The following SFTPD variants were observed in gnomAD, a reference collection of about 807,000 sequenced individuals.
The protein encoded by SFTPD is surfactant protein D.
A neutral mutation model predicts 34.6 loss-of-function variants in SFTPD; 18 were observed. That is an observed-to-expected ratio of 0.52 (90% CI 0.36 to 0.77). SFTPD has a LOEUF of 0.77. Ranked by LOEUF, SFTPD falls within the 30% of genes least tolerant of loss-of-function variation. The pLI is 0.00. For synonymous variants in SFTPD, 155 were observed against 180.9 expected (o/e 0.86, Z 1.15); for missense variants, 433 against 468.9 (o/e 0.92, Z 0.71).
chr10:79,979,167 A>G (rs1353850589), intron 1 of SFTPD, among the ~76,000 whole-genome samples: 4 of 152,206 alleles, frequency 2.6e-5, no homozygotes, highest in African/African-American at 7.2e-5. Flanking sequence ...TAAATAAAAT[A>G]TCTAGGAATA....
At chr10:79,943,080 G>T (rs925228141) in intron 2 of SFTPD, among the ~76,000 whole-genome samples, 1 of 152,118 alleles carries the variant, frequency 6.6e-6, no homozygotes, top group African/African-American at 2.4e-5. Flanking sequence ...TTCCAGAGTT[G>T]GAGGCGGATT....
At chr10:79,966,459 G>A (rs1342449975) in intron 1 of SFTPD, among the ~76,000 whole-genome samples, 1 of 94,354 alleles carries the variant, frequency 1.1e-5, no homozygotes, top group Non-Finnish European at 1.9e-5. Context: ...ATTTGTTTGA[G>A]TTCATTGTAG....
chr10:79,942,078 A>C lies in SFTPD; in HGVS notation c.434-8T>G. 6.3e-7 allele frequency: 1 copy of C among 1,576,980 alleles called. No individual in the cohort carries two copies. The highest frequency in any genetic ancestry group is 8.7e-7 in the Non-Finnish European group (1 of 1,148,184). ...CTGGGGCACCTACTTCTCCTGAAGA[A>C]GGAACACACAGGAACAAACACAGCT... On this transcript the variant is annotated splice_polypyrimidine_tract_variant and splice_region_variant and intron_variant, in intron 4 of 7. Coordinates refer to ENST00000372292, the MANE Select transcript of SFTPD (RefSeq NM_003019.5).
intron 1 of SFTPD, among the ~76,000 whole-genome samples, chr10:79,973,608 ACT>A (rs1247717344): frequency 1.7e-5 from 2 of 117,052 alleles, no homozygotes; most frequent in Middle Eastern, 5.8e-3. Flanking sequence ...ACAGAGCAAG[ACT>A]CTGTCTCAAA....
chr10:79,965,094 A>G (rs1030127603), intron 1 of SFTPD, among the ~76,000 whole-genome samples: 1 of 152,150 alleles, frequency 6.6e-6, no homozygotes, highest in African/African-American at 2.4e-5. Flanking sequence ...TGGTCTTTTA[A>G]AAACACACCT....
In SFTPD at chr10:79,942,007, C is replaced by T; in HGVS notation, c.497G>A (p.Gly166Glu). ...ACGCTCACCAGGGACACCTCGCTCT[C>T]CCTTAGGGCCTGCGAGGCCTCTTGC... ...AGARGLAGPK[G>E]ERGVPGERGV... is the part of the protein sequence containing the mutation. Residue 166 changes from glycine (G) to glutamate (E), a missense_variant, in exon 5 of 8, where the codon GGA becomes GAA. Coordinates refer to ENST00000372292, the MANE Select transcript of SFTPD (RefSeq NM_003019.5). 2.5e-6 allele frequency: 4 copies of T among 1,614,128 alleles called. No individual in the cohort carries two copies. The African/African-American group carries it at 5.3e-5, about 22-fold the overall frequency.
intron 1 of SFTPD, among the ~76,000 whole-genome samples, chr10:79,965,252 CCTT>C (rs1275749777): frequency 6.6e-6 from 1 of 152,170 alleles, no homozygotes; most frequent in South Asian, 2.1e-4. Context: ...CTGTTTTTCT[CCTT>C]CTCTTATTCG....
chr10:79,953,424 T>A, upstream of SFTPD, among the ~76,000 whole-genome samples: 1 of 23,150 alleles, frequency 4.3e-5, no homozygotes, highest in African/African-American at 1.4e-4. Context: ...ACAGGTGGGT[T>A]TTTTTTTTTT....
At chr10:79,977,667 T>C (rs1039842638) in intron 1 of SFTPD, among the ~76,000 whole-genome samples, 13 of 152,276 alleles carry the variant, frequency 8.5e-5, no homozygotes, top group Non-Finnish European at 1.6e-4. Context: ...GCTGGAATTA[T>C]TTAAATGTAG....
chr10:79,965,055 C>T (rs930879796), intron 1 of SFTPD, among the ~76,000 whole-genome samples: 7 of 152,142 alleles, frequency 4.6e-5, no homozygotes, highest in African/African-American at 1.7e-4. Flanking sequence ...TTACTGTCCT[C>T]AATCTTCAGG....
At chr10:79,963,462 C>G (rs995139047) in intron 1 of SFTPD, among the ~76,000 whole-genome samples, 2 of 152,034 alleles carry the variant, frequency 1.3e-5, no homozygotes, top group African/African-American at 4.8e-5. Flanking sequence ...CTATTTCAAC[C>G]AAGAATGTCA....
At chr10:79,962,052 AC>A (rs1842776399) in intron 1 of SFTPD, among the ~76,000 whole-genome samples, 2 of 135,582 alleles carry the variant, frequency 1.5e-5, no homozygotes, top group South Asian at 5.6e-4. Context: ...GGACAAAAAA[AC>A]CAAACACCAC....
At chr10:79,957,223 A>C (rs1842745303) in intron 1 of SFTPD, among the ~76,000 whole-genome samples, 1 of 152,250 alleles carries the variant, frequency 6.6e-6, no homozygotes, top group Non-Finnish European at 1.5e-5. Flanking sequence ...GAAAAACTGG[A>C]AACTCTAAAA....
chr10:79,980,227 G>C (rs1385635452), intron 1 of SFTPD, among the ~76,000 whole-genome samples: 1 of 151,960 alleles, frequency 6.6e-6, no homozygotes, highest in Admixed American at 6.6e-5. Context: ...AGGGACTCCT[G>C]CTTGAGGAAA....
At chr10:79,945,596 C>G (rs1842656499) in intron 2 of SFTPD, among the ~76,000 whole-genome samples, 4 of 152,192 alleles carry the variant, frequency 2.6e-5, no homozygotes. Context: ...AGGGACAATT[C>G]CCTTACTCAT....
intron 1 of SFTPD, among the ~76,000 whole-genome samples, chr10:79,980,916 A>C (rs1432748116): frequency 6.6e-6 from 1 of 152,212 alleles, no homozygotes; most frequent in Non-Finnish European, 1.5e-5. Flanking sequence ...TTTAATGCCC[A>C]GACACTGGCA....
chr10:79,955,015 A>C (rs1842730849), intron 1 of SFTPD, among the ~76,000 whole-genome samples: 1 of 151,946 alleles, frequency 6.6e-6, no homozygotes, highest in African/African-American at 2.4e-5. Flanking sequence ...CATCCTCACC[A>C]CCTGTTTCTT....
In SFTPD at chr10:79,973,617, C is replaced by CAAA. The variant is rs5786429; in HGVS notation, c.36+8955_36+8957dup. 7.8e-4 allele frequency among the ~76,000 whole-genome samples: 71 copies of CAAA among 90,536 alleles called. 1 individual carries two copies. Among genetic ancestry groups the CAAA allele is most frequent in the Middle Eastern group, 6.1e-3 (1 of 164 alleles). 59.4% of individuals were successfully genotyped at this position (90,536 alleles called of 152,430 possible). ...TAGGCGACAGAGCAAGACTCTGTCT[C>CAAA]AAAAAAAAAAAAAAAAAAAAGTCTT... On this transcript the variant is annotated intron_variant, in intron 1 of 5. Coordinates refer to the SFTPD transcript ENST00000444384.
At chr10:79,946,705 A>G (rs1169780930) in intron 1 of SFTPD, 43 bp from the exon 2 acceptor site, 7 of 1,564,968 alleles carry the variant, frequency 4.5e-6, no homozygotes, top group Admixed American at 1.8e-5. Context: ...CTTATGCTTC[A>G]TGGACATGGT....
Sources: allele counts gnomAD v4.1 joint callset (sites outside exome capture counted in the v4.1 genomes callset), GRCh38; gene constraint gnomAD v4.1.1; transcripts MANE v1.5; gene names NCBI Gene and HGNC (gene_info 2026-07-23, HGNC 2026-07-21).